CBLB: variants seen among roughly 807,000 people sequenced by gnomAD.
The protein encoded by CBLB is E3 ubiquitin-protein ligase CBL-B.
Under a neutral mutation model 104.9 loss-of-function variants are expected in CBLB, and 31 were observed. The observed-to-expected ratio is 0.30, with a 90% CI of 0.22 to 0.40. CBLB has a LOEUF of 0.40. Ranked by LOEUF, CBLB falls within the 10% of genes least tolerant of loss-of-function variation. The pLI, the probability that CBLB is intolerant of heterozygous loss-of-function variation, is 1.00. For synonymous variants in CBLB, 440 were observed against 422.6 expected (o/e 1.04, Z -0.51); for missense variants, 1,062 against 1,214.6 (o/e 0.87, Z 1.87).
At chr3:105,797,950 T>C (rs2082417734) in intron 3 of CBLB, among the ~76,000 whole-genome samples, 1 of 152,200 alleles carries the variant, frequency 6.6e-6, no homozygotes, top group Non-Finnish European at 1.5e-5. Flanking sequence ...GTTTTACCCA[T>C]TACAACGGTA....
chr3:105,785,712 C>T (rs1211681626), intron 3 of CBLB, among the ~76,000 whole-genome samples: 1 of 152,178 alleles, frequency 6.6e-6, no homozygotes, highest in Non-Finnish European at 1.5e-5. Flanking sequence ...AAAGTCATCT[C>T]TCTGGTGCTT....
intron 3 of CBLB, among the ~76,000 whole-genome samples, chr3:105,848,203 CA>C (rs1239449344): frequency 1.3e-5 from 2 of 151,996 alleles, no homozygotes; most frequent in African/African-American, 4.8e-5. Context: ...CCAGCAACAA[CA>C]ACAATTTGGG....
intron 9 of CBLB, among the ~76,000 whole-genome samples, chr3:105,733,461 G>T (rs749258769): frequency 2.0e-5 from 3 of 152,122 alleles, no homozygotes; most frequent in Non-Finnish European, 4.4e-5. Context: ...GCGGCAGATG[G>T]GAAGGCAATT....
chr3:105,724,801 G>A (rs867648440), intron 9 of CBLB, among the ~76,000 whole-genome samples: 1 of 152,110 alleles, frequency 6.6e-6, no homozygotes, highest in African/African-American at 2.4e-5. Flanking sequence ...TCCAGGCACT[G>A]TTGTAAGCAC....
intron 17 of CBLB, among the ~76,000 whole-genome samples, chr3:105,678,189 A>G (rs565156759): frequency 6.6e-6 from 1 of 152,256 alleles, no homozygotes; most frequent in East Asian, 1.9e-4. Context: ...GGACTGGACA[A>G]TCTCTACAGC....
chr3:105,703,083 T>A lies in CBLB; in HGVS notation c.1594-624A>T, dbSNP rs532346989. On this transcript the variant is annotated intron_variant, in intron 11 of 18. Transcript: ENST00000394030. ...ACAGTATTTTAAAAGATCAGGCTGA[T>A]TCTTACATAGAAATATAAAGGTATA... Among the ~76,000 whole-genome samples, 7 of 152,156 alleles carry A rather than the reference T, an allele frequency of 4.6e-5. No individual in the cohort carries two copies. The South Asian group carries it at 1.5e-3, about 32-fold the overall frequency.
chr3:105,750,368 GAGA>G (rs944490767), intron 5 of CBLB, among the ~76,000 whole-genome samples: 1 of 152,024 alleles, frequency 6.6e-6, no homozygotes, highest in Non-Finnish European at 1.5e-5. Context: ...TTATAAATCA[GAGA>G]AGTTCATGTA....
At chr3:105,777,052 G>T (rs745751383) in intron 3 of CBLB, among the ~76,000 whole-genome samples, 1 of 152,110 alleles carries the variant, frequency 6.6e-6, no homozygotes, top group Non-Finnish European at 1.5e-5. Flanking sequence ...ATGTACAAAA[G>T]TACTAATACA....
chr3:105,792,401 G>A (rs931110896), intron 3 of CBLB, among the ~76,000 whole-genome samples: 1 of 152,186 alleles, frequency 6.6e-6, no homozygotes, highest in Non-Finnish European at 1.5e-5. Flanking sequence ...TTGTTTTAGA[G>A]TGAGTTAGCT....
At position 105,772,787 on chromosome 3, in the gene CBLB, G is replaced by A. The variant is rs181273437; in HGVS notation, c.566+3609C>T. ...AAAATGCTCAACATCACTAATCATC[G>A]GGGAAATGCAAATGAAAACCACAGT... On this transcript the variant is annotated intron_variant, in intron 4 of 18. Transcript: ENST00000394030. Among the ~76,000 whole-genome samples, 783 of 152,144 alleles carry A rather than the reference G, an allele frequency of 5.1e-3. 5 individuals carry two copies. The highest frequency in any genetic ancestry group is 0.018 in the African/African-American group (764 of 41,534).
intron 3 of CBLB, among the ~76,000 whole-genome samples, chr3:105,825,927 T>G (rs543873619): frequency 6.6e-6 from 1 of 152,252 alleles, no homozygotes; most frequent in South Asian, 2.1e-4. Flanking sequence ...GAACAGCATT[T>G]TTGAGAGTAT....
intron 3 of CBLB, among the ~76,000 whole-genome samples, chr3:105,778,597 C>T (rs1007312379): frequency 2.0e-5 from 3 of 151,900 alleles, no homozygotes; most frequent in African/African-American, 7.3e-5. Flanking sequence ...AACTTATCTA[C>T]GGAAAGCTTT....
At chr3:105,803,402 C>T (rs2083130380) in intron 3 of CBLB, among the ~76,000 whole-genome samples, 1 of 152,106 alleles carries the variant, frequency 6.6e-6, no homozygotes, top group African/African-American at 2.4e-5. Context: ...CTATTAAATA[C>T]GGCTCCTTTC....
At chr3:105,853,285 C>T in intron 3 of CBLB, 129 bp downstream of exon 3, 1 of 889,014 alleles carries the variant, frequency 1.1e-6, no homozygotes, top group Non-Finnish European at 1.9e-6. Flanking sequence ...TCGTTAAGTA[C>T]CACATGACTA....
In CBLB at chr3:105,657,356, C is replaced by G. The variant is rs999846158; in HGVS notation, c.*1614G>C. 1.9e-5 allele frequency: 4 copies of G among 216,034 alleles called. No individual in the cohort carries two copies. In the East Asian group the frequency reaches 2.7e-4, roughly 15 times the overall value. The allele number at this position is 216,034 out of a possible 1,614,324, so 13.4% of individuals were successfully genotyped here. On this transcript the variant is annotated 3_prime_UTR_variant, in exon 19 of 19. Transcript: ENST00000394030. The stretch of plus-strand genomic sequence containing the variant: ...AAAAGAGGAGACACAGAAATATGCA[C>G]AAACCCACAATTAGTCCATATTTAG...
At chr3:105,809,240 A>G (rs191795904) in intron 3 of CBLB, among the ~76,000 whole-genome samples, 1 of 152,364 alleles carries the variant, frequency 6.6e-6, no homozygotes, top group East Asian at 1.9e-4. Context: ...AGTATTATGT[A>G]TATAAACACA....
chr3:105,664,278 T>C (rs553177221), intron 18 of CBLB, among the ~76,000 whole-genome samples: 1 of 152,232 alleles, frequency 6.6e-6, no homozygotes, highest in South Asian at 2.1e-4. Context: ...AAAGTTAGGG[T>C]TTCTGTTAGA....
chr3:105,822,933 T>A (rs1182925083), intron 3 of CBLB, among the ~76,000 whole-genome samples: 2 of 152,168 alleles, frequency 1.3e-5, no homozygotes, highest in East Asian at 3.8e-4. Flanking sequence ...CTTCTCACAA[T>A]ACACCCTACC....
At chr3:105,672,337 C>A (rs1019078611) in intron 17 of CBLB, 12 of 179,884 alleles carry the variant, frequency 6.7e-5, no homozygotes, top group African/African-American at 2.8e-4. Flanking sequence ...GCAAAAATAC[C>A]TGCTTATGGT....
Sources: allele counts gnomAD v4.1 joint callset (sites outside exome capture counted in the v4.1 genomes callset), GRCh38; gene constraint gnomAD v4.1.1; transcripts MANE v1.5; gene names NCBI Gene and HGNC (gene_info 2026-07-23, HGNC 2026-07-21).